PDE4D: variants seen among roughly 807,000 people sequenced by gnomAD.
PDE4D encodes the protein phosphodiesterase 4D.
Under a neutral mutation model 87.4 loss-of-function variants are expected in PDE4D, and 24 were observed. The observed-to-expected ratio is 0.27, with a 90% CI of 0.20 to 0.39. The LOEUF (loss-of-function observed/expected upper bound fraction) is 0.39. PDE4D is among the 10% of genes least tolerant of loss of function. The probability of loss-of-function intolerance (pLI) is 1.00; values close to 1 mark genes in which losing one functional copy is unlikely to be tolerated. For synonymous variants in PDE4D, 384 were observed against 383.2 expected (o/e 1.00, Z -0.02); for missense variants, 714 against 1,041.0 (o/e 0.69, Z 4.32).
intron 1 of PDE4D, among the ~76,000 whole-genome samples, chr5:60,337,189 TG>T (rs1757839039): frequency 6.8e-6 from 1 of 147,966 alleles, no homozygotes; most frequent in South Asian, 2.1e-4. Context: ...AAAATTTAGC[TG>T]GGCATGGTGG....
At chr5:60,110,187 A>G (rs1173280169) in intron 2 of PDE4D, among the ~76,000 whole-genome samples, 1 of 152,096 alleles carries the variant, frequency 6.6e-6, no homozygotes, top group Non-Finnish European at 1.5e-5. Flanking sequence ...ATATTAAACT[A>G]AAAAGTTTCT....
intron 1 of PDE4D, among the ~76,000 whole-genome samples, chr5:59,615,671 A>G (rs748174118): frequency 1.3e-5 from 2 of 152,220 alleles, no homozygotes; most frequent in Non-Finnish European, 2.9e-5. Flanking sequence ...CTTCAACAAT[A>G]CAGTTCACAT....
intron 1 of PDE4D, among the ~76,000 whole-genome samples, chr5:59,595,136 C>T (rs1256752694): frequency 6.6e-6 from 1 of 152,132 alleles, no homozygotes; most frequent in Non-Finnish European, 1.5e-5. Context: ...TTTATGGATG[C>T]TAAAATTGCT....
chr5:59,681,900 CAAA>C (rs11266968), intron 1 of PDE4D, among the ~76,000 whole-genome samples: 22 of 96,428 alleles, frequency 2.3e-4, no homozygotes, highest in African/African-American at 6.4e-4. Context: ...GACTCTGTCT[CAAA>C]AAAAAAAAAA....
intron 1 of PDE4D, among the ~76,000 whole-genome samples, chr5:59,318,165 A>C (rs1774090663): frequency 6.6e-6 from 1 of 152,192 alleles, no homozygotes; most frequent in African/African-American, 2.4e-5. Flanking sequence ...TAAGCCACAG[A>C]TTCCTCTGGT....
chr5:60,169,205 A>T (rs1322595183), intron 2 of PDE4D, among the ~76,000 whole-genome samples: 1 of 152,154 alleles, frequency 6.6e-6, no homozygotes, highest in Non-Finnish European at 1.5e-5. Context: ...GGGAAAAGAG[A>T]AAAACCATAA....
intron 1 of PDE4D, among the ~76,000 whole-genome samples, chr5:59,725,905 A>T (rs1236143881): frequency 7.2e-5 from 11 of 152,070 alleles, no homozygotes; most frequent in African/African-American, 2.7e-4. Flanking sequence ...ATCAGTCTCT[A>T]AACAATTATG....
At chr5:60,036,989 G>A (rs575462625) in intron 2 of PDE4D, among the ~76,000 whole-genome samples, 13 of 152,238 alleles carry the variant, frequency 8.5e-5, no homozygotes, top group Admixed American at 2.6e-4. Flanking sequence ...TATAAAAAAC[G>A]CTACCTCCAT....
chr5:59,881,612 T>A (rs1749438677), intron 1 of PDE4D, among the ~76,000 whole-genome samples: 1 of 152,194 alleles, frequency 6.6e-6, no homozygotes, highest in South Asian at 2.1e-4. Context: ...AACAGTATAT[T>A]CCTAACTTCA....
intron 1 of PDE4D, among the ~76,000 whole-genome samples, chr5:59,873,253 C>A (rs182459542): frequency 6.6e-6 from 1 of 152,290 alleles, no homozygotes; most frequent in East Asian, 1.9e-4. Context: ...ACCCAGATGA[C>A]ACAGATTTTT....
At chr5:59,473,201 C>A (rs1562249651) in intron 1 of PDE4D, among the ~76,000 whole-genome samples, 1 of 151,382 alleles carries the variant, frequency 6.6e-6, no homozygotes, top group African/African-American at 2.4e-5. Flanking sequence ...CTCACATAAA[C>A]TAGCTCAGTA....
chr5:59,878,330 G>A (rs299627), intron 1 of PDE4D, among the ~76,000 whole-genome samples: 1,726 of 152,200 alleles, frequency 0.011, 22 homozygotes, highest in Non-Finnish European at 0.014. Flanking sequence ...GCAGATGAGC[G>A]TTTTCAAATG....
chr5:60,323,974 C>G (rs1312613794), intron 1 of PDE4D, among the ~76,000 whole-genome samples: 1 of 152,098 alleles, frequency 6.6e-6, no homozygotes, highest in African/African-American at 2.4e-5. Context: ...CCTCTGGTAG[C>G]ACCATGTGTC....
chr5:60,206,338 A>G (rs755289905), intron 1 of PDE4D, among the ~76,000 whole-genome samples: 9 of 152,234 alleles, frequency 5.9e-5, no homozygotes, highest in Non-Finnish European at 1.2e-4. Context: ...AAAAATATAC[A>G]TACTCTAAGG....
chr5:59,078,342 G>C (rs760827227), intron 5 of PDE4D, among the ~76,000 whole-genome samples: 4 of 152,066 alleles, frequency 2.6e-5, no homozygotes, highest in African/African-American at 4.8e-5. Context: ...AACATCTGTA[G>C]TATATCACTT....
intron 1 of PDE4D, among the ~76,000 whole-genome samples, chr5:60,190,864 C>T (rs1785145738): frequency 6.6e-6 from 1 of 152,162 alleles, no homozygotes; most frequent in Non-Finnish European, 1.5e-5. Flanking sequence ...TCAGTAGGAA[C>T]TCCAGAGTGA....
At chr5:59,984,701 T>G (rs180675758) in intron 3 of PDE4D, among the ~76,000 whole-genome samples, 2 of 152,200 alleles carry the variant, frequency 1.3e-5, no homozygotes, top group South Asian at 4.1e-4. Flanking sequence ...CACTTATTTC[T>G]GCACATCAAA....
intron 1 of PDE4D, among the ~76,000 whole-genome samples, chr5:59,751,643 C>A (rs770273398): frequency 6.8e-6 from 1 of 146,604 alleles, no homozygotes; most frequent in African/African-American, 2.6e-5. Flanking sequence ...CAAGCGAGAG[C>A]AAGAGAGAGA....
chr5:59,576,601 T>C (rs1823204396), intron 1 of PDE4D, among the ~76,000 whole-genome samples: 1 of 152,084 alleles, frequency 6.6e-6, no homozygotes, highest in African/African-American at 2.4e-5. Flanking sequence ...TGGTATAAAG[T>C]AGAAAAAAGT....
Sources: gnomAD v4.1 joint callset for allele counts (sites outside exome capture counted in the v4.1 genomes callset) on GRCh38, gnomAD v4.1.1 for gene constraint, MANE v1.5 for transcripts, NCBI Gene and HGNC (gene_info 2026-07-23, HGNC 2026-07-21) for gene names.